The following CSMD2 variants were observed in gnomAD, a reference collection of about 807,000 sequenced individuals.
CSMD2 encodes CUB and Sushi multiple domains 2, also known as CUB and sushi domain-containing protein 2.
In CSMD2, 130 loss-of-function variants were observed where a neutral mutation model predicts 398.5. The observed-to-expected ratio is 0.33, with a 90% CI of 0.28 to 0.38. CSMD2 has a LOEUF of 0.38. Among genes scored for constraint, CSMD2 ranks in the 10% least tolerant of loss-of-function variants. CSMD2 has a pLI of 1.00. For synonymous variants in CSMD2, 1,828 were observed against 1,908.5 expected (o/e 0.96, Z 1.10); for missense variants, 3,829 against 4,764.9 (o/e 0.80, Z 5.78).
At chr1:33,672,641 T>C (rs1463529795) in intron 25 of CSMD2, among the ~76,000 whole-genome samples, 1 of 152,092 alleles carries the variant, frequency 6.6e-6, no homozygotes, top group Non-Finnish European at 1.5e-5. Context: ...CAGCTTGAGA[T>C]CTGAGAATGG....
chr1:34,120,277 G>T (rs1228776277), intron 1 of CSMD2, among the ~76,000 whole-genome samples: 1 of 152,156 alleles, frequency 6.6e-6, no homozygotes, highest in African/African-American at 2.4e-5. Flanking sequence ...AATTAAGATG[G>T]TGATTGTCAT....
chr1:33,554,185 C>CTTTTTTTTTTT (rs397860875), intron 55 of CSMD2, among the ~76,000 whole-genome samples: 2 of 74,384 alleles, frequency 2.7e-5, no homozygotes, highest in Non-Finnish European at 4.8e-5. Flanking sequence ...AAAAAACAGC[C>CTTTTTTTTTTT]TTTTTTTTTT....
At chr1:34,159,870 T>A (rs1217441233) in intron 1 of CSMD2, among the ~76,000 whole-genome samples, 1 of 152,180 alleles carries the variant, frequency 6.6e-6, no homozygotes, top group Non-Finnish European at 1.5e-5. Context: ...CAGCTTCTAT[T>A]TAATAGGCAC....
chr1:33,767,255 T>C (rs989212932), intron 13 of CSMD2, among the ~76,000 whole-genome samples: 2 of 152,134 alleles, frequency 1.3e-5, no homozygotes, highest in Admixed American at 6.5e-5. Flanking sequence ...ATAACATATG[T>C]GTATAGATGG....
intron 1 of CSMD2, among the ~76,000 whole-genome samples, chr1:34,151,617 G>A (rs1640326982): frequency 6.6e-6 from 1 of 152,144 alleles, no homozygotes; most frequent in African/African-American, 2.4e-5. Context: ...GCAGAGAAGG[G>A]AGAGGAAAGG....
chr1:33,978,014 G>A (rs1188318570), intron 3 of CSMD2, among the ~76,000 whole-genome samples: 1 of 152,140 alleles, frequency 6.6e-6, no homozygotes. Flanking sequence ...CTTGCTGAGA[G>A]CTCATCTGGG....
intron 2 of CSMD2, among the ~76,000 whole-genome samples, chr1:34,085,263 G>A (rs1471106645): frequency 6.6e-6 from 1 of 152,098 alleles, no homozygotes; most frequent in Non-Finnish European, 1.5e-5. Flanking sequence ...ATAGCATTGG[G>A]AGATATACCT....
chr1:33,574,702 A>G (rs1320690047), intron 49 of CSMD2, among the ~76,000 whole-genome samples: 1 of 152,218 alleles, frequency 6.6e-6, no homozygotes, highest in Non-Finnish European at 1.5e-5. Context: ...ACCAAGATGG[A>G]AGAAGGATCT....
intron 13 of CSMD2, among the ~76,000 whole-genome samples, chr1:33,749,147 G>A (rs1647831858): frequency 7.4e-6 from 1 of 135,596 alleles, no homozygotes; most frequent in African/African-American, 3.0e-5. Context: ...ACCCAGGCTG[G>A]AGTGCAGTGG....
chr1:33,977,342 C>T (rs1646003893), intron 3 of CSMD2, among the ~76,000 whole-genome samples: 1 of 151,936 alleles, frequency 6.6e-6, no homozygotes, highest in African/African-American at 2.4e-5. Flanking sequence ...CAGATACCCT[C>T]CCTATTACCC....
At chr1:33,846,535 C>A (rs1180843110) in intron 6 of CSMD2, among the ~76,000 whole-genome samples, 2 of 152,216 alleles carry the variant, frequency 1.3e-5, no homozygotes, top group Non-Finnish European at 1.5e-5. Context: ...GAGGTGATGA[C>A]CGTGTTTCCT....
chr1:33,710,346 G>C (rs771125250), intron 21 of CSMD2, among the ~76,000 whole-genome samples: 11 of 152,166 alleles, frequency 7.2e-5, no homozygotes, highest in Non-Finnish European at 1.5e-4. Context: ...CATGCTGGAT[G>C]AATCTATGAA....
Position 33,550,323 on chromosome 1 carries a change from G to A in CSMD2, c.8771C>T (p.Pro2924Leu), listed in dbSNP as rs1218799989. Residue 2924 changes from proline to leucine, a missense_variant, in exon 56 of 71, where the codon CCG (proline) becomes CTG (leucine). This residue lies in a region of CSMD2 where 917 missense variants were observed against 1,199.5 expected (regional missense o/e 0.76). Transcript: ENST00000373381. ...LLVSCGHPGS[P>L]PHSQMSGDSY... Reference sequence around the variant, plus strand: ...GTCTCCAGACATCTGGGAGTGAGGCGGGGAGCCCGGATGGCCACAGGACAC... The same window carrying A: ...GTCTCCAGACATCTGGGAGTGAGGCAGGGAGCCCGGATGGCCACAGGACAC... The A allele has an allele frequency of 1.5e-5, 24 of 1,613,970 alleles. No homozygotes were observed. The East Asian group carries it at 2.0e-4, about 13-fold the overall frequency.
chr1:33,957,078 A>G (rs1324317798), intron 3 of CSMD2, among the ~76,000 whole-genome samples: 1 of 151,118 alleles, frequency 6.6e-6, no homozygotes, highest in East Asian at 2.0e-4. Context: ...TCCCCTCACC[A>G]CACAAATCAA....
chr1:33,820,992 A>G lies in CSMD2; in HGVS notation c.1112-436T>C, dbSNP rs960378918. On this transcript the variant is annotated intron_variant, in intron 7 of 70. Coordinates refer to ENST00000373381, the MANE Select transcript of CSMD2 (RefSeq NM_001281956.2). ...GGAGAAATGACTCAAAGAAAGTTAA[A>G]TAAAAGGTGGGTGCATGATCAGAAA... 2.8e-4 allele frequency among the ~76,000 whole-genome samples: 43 copies of G among 152,330 alleles called. 1 individual carries two copies. The highest frequency in any genetic ancestry group is 1.0e-3 in the African/African-American group (43 of 41,578).
In CSMD2 at chr1:33,611,097, A is replaced by G. The variant is rs1430359964; in HGVS notation, c.6287T>C (p.Val2096Ala). Residue 2096 changes from valine (V) to alanine (A), a missense_variant, in exon 41 of 71, where the codon GTG becomes GCG. Physicochemically the swap from Val to Ala is moderately conservative, Grantham distance 64. Transcript: ENST00000373381. ...CTGGGAGTGGTCGCTGTGGAAATACACGGTGGTCTCGTGGGACGTGGAGAG... is the reference window on the plus strand; with the variant it reads ...CTGGGAGTGGTCGCTGTGGAAATACGCGGTGGTCTCGTGGGACGTGGAGAG... ...SLLSTSHETT[V>A]YFHSDHSQNR... 3 of 1,613,874 alleles carry G rather than the reference A, an allele frequency of 1.9e-6. No homozygotes were observed.
intron 25 of CSMD2, among the ~76,000 whole-genome samples, chr1:33,672,662 G>A (rs963915881): frequency 2.6e-5 from 4 of 152,172 alleles, no homozygotes; most frequent in South Asian, 2.1e-4. Context: ...GCAGACTGCC[G>A]CCTCAAGTGG....
intron 2 of CSMD2, among the ~76,000 whole-genome samples, chr1:34,053,299 G>C (rs1653429591): frequency 6.6e-6 from 1 of 152,192 alleles, no homozygotes; most frequent in Non-Finnish European, 1.5e-5. Context: ...GGGACAATTA[G>C]AATGATGTAA....
chr1:33,605,334 C>T lies in CSMD2; in HGVS notation c.6480G>A (p.Thr2160=), dbSNP rs753174399. The T allele has an allele frequency of 1.7e-5, 28 of 1,614,052 alleles. No homozygotes were observed. The highest frequency in any genetic ancestry group is 1.6e-4 in the Middle Eastern group (1 of 6,084). The change falls in exon 42 of 71, where the codon ACG becomes ACA. Residue 2160 remains threonine, a synonymous_variant. Coordinates refer to ENST00000373381, the MANE Select transcript of CSMD2 (RefSeq NM_001281956.2). ...AGTTCCGGTTGGTGCCATGTTGACA[C>T]GTGAGGACAGGGTGGCCAGTCAATT... The part of the protein sequence containing the change: ...GYQLTGHPVL[T]CQHGTNRNWD...
Sources: gnomAD v4.1 joint callset for allele counts (sites outside exome capture counted in the v4.1 genomes callset) on GRCh38, gnomAD v4.1.1 for gene constraint, gnomAD v4.1.1 regional missense constraint, MANE v1.5 for transcripts, NCBI Gene and HGNC (gene_info 2026-07-23, HGNC 2026-07-21) for gene names.